Variants in FER observed in about 807,000 individuals in gnomAD.
The protein encoded by FER is tyrosine-protein kinase Fer.
A neutral mutation model predicts 111.0 loss-of-function variants in FER; 63 were observed. That is an observed-to-expected ratio of 0.57 (90% confidence interval 0.46 to 0.70). FER has a LOEUF of 0.70. Ranked by LOEUF, FER falls within the 30% of genes least tolerant of loss-of-function variation. The probability of loss-of-function intolerance (pLI) is 0.00; values close to 1 mark genes in which losing one functional copy is unlikely to be tolerated. For missense variants in FER, 914 were observed against 954.0 expected (o/e 0.96, Z 0.55); for synonymous variants, 327 against 313.9 (o/e 1.04, Z -0.44).
chr5:108,856,371 G>A (rs1763010757), intron 5 of FER, among the ~76,000 whole-genome samples: 1 of 151,938 alleles, frequency 6.6e-6, no homozygotes, highest in Non-Finnish European at 1.5e-5. Context: ...TCCTCCAGAG[G>A]CAACAGATAT....
At position 108,875,698 on chromosome 5, in the gene FER, T is replaced by A. The variant is rs571292025; in HGVS notation, c.923+3486T>A. 7.9e-5 allele frequency among the ~76,000 whole-genome samples: 12 copies of A among 152,276 alleles called. No homozygotes were observed. The South Asian group carries it at 2.5e-3, about 32-fold the overall frequency. ...TTGCAAACTTAAATGGAGTTTTGAATCAACACATCAGTAGGCTAAGTATGA... is the reference window on the plus strand; with the variant it reads ...TTGCAAACTTAAATGGAGTTTTGAAACAACACATCAGTAGGCTAAGTATGA... On this transcript the variant is annotated intron_variant, in intron 8 of 19. Transcript: ENST00000281092.
chr5:108,984,423 G>A (rs1762344459), intron 13 of FER, among the ~76,000 whole-genome samples: 1 of 152,080 alleles, frequency 6.6e-6, no homozygotes, highest in South Asian at 2.1e-4. Flanking sequence ...AATATCCTTA[G>A]GGAATAAAGC....
At chr5:109,183,069 C>T (rs147148549) in intron 18 of FER, among the ~76,000 whole-genome samples, 84 of 152,028 alleles carry the variant, frequency 5.5e-4, no homozygotes, top group African/African-American at 1.9e-3. Context: ...TTTTATGAAA[C>T]GTAGAACAAT....
chr5:108,970,342 A>G (rs1205047502), intron 13 of FER, among the ~76,000 whole-genome samples: 1 of 151,766 alleles, frequency 6.6e-6, no homozygotes, highest in Non-Finnish European at 1.5e-5. Flanking sequence ...CAGCCTCCCA[A>G]GTGGCTGGGA....
chr5:108,798,378 A>C lies in FER; in HGVS notation c.196A>C (p.Asn66His). 1.9e-6 allele frequency: 3 copies of C among 1,611,210 alleles called. No homozygotes were observed. The highest frequency in any genetic ancestry group is 2.5e-6 in the Non-Finnish European group (3 of 1,177,982). Residue 66 changes from asparagine to histidine, a missense_variant, in exon 3 of 20, where the codon AAC (asparagine) becomes CAC (histidine). Transcript: ENST00000281092. The part of the protein sequence containing the change: ...ESTVQMNYVS[N>H]VSKSWLLMIQ... ...TACTGTCCAAATGAATTATGTCAGC[A>C]ACGTATCCAAGGTAAGAAGAATAAT...
rs998144017 is a variant in FER, at chr5:109,057,965, T to G, written c.1924+10767T>G. Reference sequence around the variant, plus strand: ...CCAATATCATTCATGATCATAGATTTAAAAATTCTAAGCACAATTTTAACA... The same window carrying G: ...CCAATATCATTCATGATCATAGATTGAAAAATTCTAAGCACAATTTTAACA... On this transcript the variant is annotated intron_variant, in intron 16 of 19. Coordinates refer to ENST00000281092, the MANE Select transcript of FER (RefSeq NM_005246.4). 3.9e-5 allele frequency among the ~76,000 whole-genome samples: 6 copies of G among 152,310 alleles called. No homozygotes were observed. The South Asian group carries it at 1.0e-3, about 26-fold the overall frequency.
chr5:108,835,687 T>G, intron 4 of FER, 21 bp from the exon 5 acceptor site: 1 of 1,405,786 alleles, frequency 7.1e-7, no homozygotes, highest in Non-Finnish European at 9.8e-7. Context: ...AATACATTTA[T>G]GCATTTTGTT....
intron 17 of FER, among the ~76,000 whole-genome samples, chr5:109,108,317 A>T (rs535388640): frequency 6.6e-6 from 1 of 152,314 alleles, no homozygotes; most frequent in Admixed American, 6.5e-5. Context: ...TGTGAAGTAA[A>T]GCAAAAGAAT....
chr5:108,937,864 C>G lies in FER; in HGVS notation c.1237-8266C>G, dbSNP rs901963552. Among the ~76,000 whole-genome samples the G allele has an allele frequency of 4.6e-5, 7 of 151,624 alleles. 1 individual carries two copies. The highest frequency in any genetic ancestry group is 4.0e-4 in the Admixed American group (6 of 15,138). ...TGAGTGAGAGTAGAGAAAATGGAGA[C>G]AGTGAGCATATATAACTCTTTTAGG... is the stretch of plus-strand genomic sequence containing the variant. On this transcript the variant is annotated intron_variant, in intron 10 of 19. Transcript: ENST00000281092.
chr5:109,020,094 T>C (rs1473356548), intron 13 of FER, among the ~76,000 whole-genome samples: 2 of 152,020 alleles, frequency 1.3e-5, no homozygotes, highest in Non-Finnish European at 2.9e-5. Context: ...CTCTTAATGA[T>C]TGGCTTTCTG....
chr5:108,807,266 C>G (rs767564665), intron 3 of FER, among the ~76,000 whole-genome samples: 16 of 152,152 alleles, frequency 1.1e-4, no homozygotes, highest in South Asian at 2.1e-4. Context: ...CCAGTTAAAC[C>G]TCTGTCTTTT....
chr5:109,056,580 G>T (rs1028559449), intron 16 of FER, among the ~76,000 whole-genome samples: 1 of 152,160 alleles, frequency 6.6e-6, no homozygotes, highest in African/African-American at 2.4e-5. Flanking sequence ...AGAGGAAATG[G>T]GAAGATGTAG....
intron 13 of FER, among the ~76,000 whole-genome samples, chr5:108,967,960 C>G (rs1353086655): frequency 6.6e-6 from 1 of 152,052 alleles, no homozygotes; most frequent in African/African-American, 2.4e-5. Context: ...GGACCTGCCC[C>G]TATCTGCCTA....
intron 3 of FER, among the ~76,000 whole-genome samples, chr5:108,805,202 G>T (rs1757072677): frequency 6.6e-6 from 1 of 151,968 alleles, no homozygotes; most frequent in African/African-American, 2.4e-5. Context: ...GAGATCCGAT[G>T]GTTTTAAAAA....
At chr5:109,107,332 T>C (rs1749058322) in intron 17 of FER, among the ~76,000 whole-genome samples, 1 of 152,154 alleles carries the variant, frequency 6.6e-6, no homozygotes, top group Non-Finnish European at 1.5e-5. Flanking sequence ...GAGTTTTTCT[T>C]TTAACTTTTA....
At chr5:108,811,773 A>C (rs1302471943) in intron 3 of FER, among the ~76,000 whole-genome samples, 1 of 152,174 alleles carries the variant, frequency 6.6e-6, no homozygotes, top group Non-Finnish European at 1.5e-5. Context: ...TAAATCCCAG[A>C]GTAAGAAGGC....
intron 10 of FER, among the ~76,000 whole-genome samples, chr5:108,905,918 A>T (rs970792078): frequency 2.0e-5 from 3 of 152,208 alleles, no homozygotes; most frequent in Non-Finnish European, 4.4e-5. Flanking sequence ...TGGTATTCTA[A>T]CAGGGTGAAA....
intron 13 of FER, among the ~76,000 whole-genome samples, chr5:108,960,683 A>G (rs1004912505): frequency 1.3e-5 from 2 of 152,084 alleles, no homozygotes; most frequent in African/African-American, 4.8e-5. Context: ...TATATCAACA[A>G]TTTGCAAATT....
Position 109,194,283 on chromosome 5 carries a change from A to G in FER, c.*6708A>G, listed in dbSNP as rs1178339998. 6.6e-6 allele frequency: 1 copy of G among 152,154 alleles called. No individual in the cohort carries two copies. Among genetic ancestry groups the G allele is most frequent in the Non-Finnish European group, 1.5e-5 (1 of 68,030 alleles). The allele number at this position is 152,154 out of a possible 1,614,324, so 9.4% of individuals were successfully genotyped here. A position where few individuals can be genotyped will look rare whatever the true frequency, so the allele number is the denominator to read the frequency against. Reference sequence around the variant, plus strand: ...GAAAGTATTTCAATTGTGTAATGTTAAGGAGTTTTTTCATAGCTTCAGAAA... The same window carrying G: ...GAAAGTATTTCAATTGTGTAATGTTGAGGAGTTTTTTCATAGCTTCAGAAA... On this transcript the variant is annotated 3_prime_UTR_variant, in exon 20 of 20. Coordinates refer to ENST00000281092, the MANE Select transcript of FER (RefSeq NM_005246.4).
Sources: allele counts gnomAD v4.1 joint callset (sites outside exome capture counted in the v4.1 genomes callset), GRCh38; gene constraint gnomAD v4.1.1; transcripts MANE v1.5; gene names NCBI Gene and HGNC (gene_info 2026-07-23, HGNC 2026-07-21).